The following IPO7 variants were observed in gnomAD, a reference collection of about 807,000 sequenced individuals.
IPO7 encodes the protein importin-7.
A neutral mutation model predicts 136.4 loss-of-function variants in IPO7; 13 were observed. The ratio of observed to expected loss-of-function variants is 0.10; its 90% CI spans 0.06 to 0.15. The LOEUF is 0.15. Ranked by LOEUF, IPO7 falls within the 10% of genes least tolerant of loss-of-function variation. The pLI is 1.00. For missense variants in IPO7, 857 were observed against 1,240.6 expected (o/e 0.69, Z 4.65); for synonymous variants, 403 against 404.4 (o/e 1.00, Z 0.04).
chr11:9,421,896 A>T (rs1855137097), intron 8 of IPO7, among the ~76,000 whole-genome samples: 1 of 151,836 alleles, frequency 6.6e-6, no homozygotes, highest in South Asian at 2.1e-4. Flanking sequence ...GTGCGCAGAG[A>T]TCCTGCCACT....
chr11:9,387,651 G>A (rs1854569846), intron 1 of IPO7, among the ~76,000 whole-genome samples: 1 of 152,178 alleles, frequency 6.6e-6, no homozygotes, highest in Non-Finnish European at 1.5e-5. Flanking sequence ...GACCAACATG[G>A]AGAAACCCCA....
intron 18 of IPO7, 117 bp from the exon 19 acceptor site, chr11:9,434,817 T>G: frequency 2.4e-5 from 16 of 661,834 alleles, no homozygotes; most frequent in East Asian, 6.2e-5. Flanking sequence ...CAAAAAAAGG[T>G]GAATGTTAGA....
At position 9,433,498 on chromosome 11, in the gene IPO7, TATA is replaced by T. The variant is rs780736453; in HGVS notation, c.1882-68_1882-66del. The T allele has an allele frequency of 2.2e-5, 22 of 1,000,802 alleles. No individual in the cohort carries two copies. In the East Asian group the frequency reaches 4.3e-4, roughly 20 times the overall value. The allele number at this position is 1,000,802 out of a possible 1,614,324, so 62.0% of individuals were successfully genotyped here. ...GACTTTATATTTAAGTGTACTGAAT[TATA>T]ATATGCGTTGTCTTACTAAGTCATT... On this transcript the variant is annotated intron_variant, in intron 16 of 24. Transcript: ENST00000379719.
intron 3 of IPO7, among the ~76,000 whole-genome samples, 163 bp downstream of exon 3, chr11:9,408,802 C>G (rs1180817597): frequency 6.7e-6 from 1 of 149,452 alleles, no homozygotes; most frequent in Admixed American, 6.7e-5. Context: ...GCCTCCGCCT[C>G]CCAGGTTCAA....
chr11:9,415,963 A>G (rs139210699), intron 5 of IPO7, among the ~76,000 whole-genome samples: 501 of 152,362 alleles, frequency 3.3e-3, no homozygotes, highest in African/African-American at 0.012. Flanking sequence ...ATCATGTACC[A>G]TAGAAGGATT....
chr11:9,393,719 C>G (rs961869057), intron 1 of IPO7, among the ~76,000 whole-genome samples: 3 of 151,798 alleles, frequency 2.0e-5, no homozygotes, highest in Admixed American at 1.3e-4. Flanking sequence ...AATAAATTCT[C>G]TACCAAAGAG....
At chr11:9,401,516 G>A (rs752771476) in intron 1 of IPO7, among the ~76,000 whole-genome samples, 3 of 148,790 alleles carry the variant, frequency 2.0e-5, no homozygotes, top group Admixed American at 6.7e-5. Flanking sequence ...GCAACATAGC[G>A]AGACCTGATA....
At chr11:9,387,014 T>G (rs983129485) in intron 1 of IPO7, among the ~76,000 whole-genome samples, 1 of 152,226 alleles carries the variant, frequency 6.6e-6, no homozygotes, top group Non-Finnish European at 1.5e-5. Context: ...CTTCTTCCAT[T>G]TAAATATTTT....
intron 8 of IPO7, 99 bp downstream of exon 8, chr11:9,420,797 G>C: frequency 1.3e-6 from 1 of 785,452 alleles, no homozygotes; most frequent in South Asian, 1.6e-5. Flanking sequence ...AAGAGTGCCT[G>C]TTTGGACCCT....
At chr11:9,421,943 CA>C (rs780062839) in intron 8 of IPO7, among the ~76,000 whole-genome samples, 9 of 149,726 alleles carry the variant, frequency 6.0e-5, no homozygotes, top group South Asian at 4.2e-4. Context: ...GACTCCGTCT[CA>C]AAAAAAAGAA....
intron 22 of IPO7, among the ~76,000 whole-genome samples, chr11:9,440,232 T>A (rs192913182): frequency 6.6e-6 from 1 of 152,330 alleles, no homozygotes; most frequent in Non-Finnish European, 1.5e-5. Context: ...CTTTTTCAGA[T>A]GTCTAGTATT....
At chr11:9,416,973 C>G (rs1345609330) in intron 5 of IPO7, 86 bp from the exon 6 acceptor site, 2 of 596,908 alleles carry the variant, frequency 3.4e-6, no homozygotes, top group Non-Finnish European at 6.0e-6. Context: ...GAATGAAATA[C>G]TTTTGGTAGG....
intron 3 of IPO7, 116 bp downstream of exon 3, chr11:9,408,755 A>G: frequency 1.6e-6 from 1 of 640,654 alleles, no homozygotes. Context: ...CTCTGTGGCC[A>G]GGCTGGAGTG....
chr11:9,440,757 C>T (rs1291490791), intron 23 of IPO7, 96 bp downstream of exon 23: 2 of 998,256 alleles, frequency 2.0e-6, no homozygotes, highest in African/African-American at 1.6e-5. Context: ...GATATCAAAC[C>T]CAGACTAGAA....
At chr11:9,390,613 C>T (rs11042326) in intron 1 of IPO7, among the ~76,000 whole-genome samples, 150,082 of 152,296 alleles carry the variant, frequency 0.99, 73,983 homozygotes, top group Middle Eastern at 1. Flanking sequence ...CTGGATACTT[C>T]GGCTGTTAGA....
intron 1 of IPO7, among the ~76,000 whole-genome samples, chr11:9,399,645 G>A (rs1161639359): frequency 2.0e-5 from 3 of 152,114 alleles, no homozygotes; most frequent in Non-Finnish European, 2.9e-5. Context: ...GTGATTGGAT[G>A]AGATCATCTG....
chr11:9,402,399 C>CAAAAAAAAAAAAAAAAAAA (rs71062846), intron 1 of IPO7, among the ~76,000 whole-genome samples: 5 of 44,898 alleles, frequency 1.1e-4, no homozygotes, highest in Admixed American at 7.4e-4. Flanking sequence ...GACTGTGTCT[C>CAAAAAAAAAAAAAAAAAAA]AAAAAAAAAA....
chr11:9,408,981 G>A (rs1854929298), intron 3 of IPO7, among the ~76,000 whole-genome samples: 1 of 151,818 alleles, frequency 6.6e-6, no homozygotes, highest in South Asian at 2.1e-4. Flanking sequence ...CAAAGTGCTG[G>A]GATTACAGGC....
At chr11:9,440,700 C>A in intron 23 of IPO7, 39 bp downstream of exon 23, 1 of 1,430,238 alleles carries the variant, frequency 7.0e-7, no homozygotes, top group Non-Finnish European at 9.8e-7. Context: ...TTTCATTGAA[C>A]AAATCTGTTG....
Sources: allele counts gnomAD v4.1 joint callset (sites outside exome capture counted in the v4.1 genomes callset), GRCh38; gene constraint gnomAD v4.1.1; transcripts MANE v1.5; gene names NCBI Gene and HGNC (gene_info 2026-07-23, HGNC 2026-07-21).